The following ARHGAP35 variants were observed in gnomAD, a reference collection of about 807,000 sequenced individuals.
ARHGAP35 encodes Rho GTPase activating protein 35.
ARHGAP35 carries 15 observed loss-of-function variants against 111.1 expected under a neutral mutation model. That is an observed-to-expected ratio of 0.13 (90% CI 0.09 to 0.21). The LOEUF is 0.21. Among genes scored for constraint, ARHGAP35 ranks in the 10% least tolerant of loss-of-function variants. ARHGAP35 has a pLI of 1.00. For missense variants in ARHGAP35, 1,262 were observed against 1,873.0 expected (o/e 0.67, Z 6.02); for synonymous variants, 643 against 710.3 (o/e 0.91, Z 1.51).
chr19:46,963,632 T>C (rs1313004918), intron 3 of ARHGAP35, among the ~76,000 whole-genome samples: 1 of 152,202 alleles, frequency 6.6e-6, no homozygotes, highest in Non-Finnish European at 1.5e-5. Context: ...TCCTAACTTT[T>C]AGCTTATCTT....
At chr19:46,914,413 C>G (rs2056153761) in intron 1 of ARHGAP35, among the ~76,000 whole-genome samples, 1 of 152,094 alleles carries the variant, frequency 6.6e-6, no homozygotes, top group African/African-American at 2.4e-5. Context: ...GAGTTTGAGA[C>G]CAGCCTGGGC....
intron 1 of ARHGAP35, among the ~76,000 whole-genome samples, chr19:46,892,646 C>CTT (rs10711524): frequency 1.5e-5 from 2 of 132,684 alleles, no homozygotes; most frequent in Non-Finnish European, 1.6e-5. Flanking sequence ...TTGTTGGCTG[C>CTT]TTTTTTTTTT....
chr19:46,928,682 A>G (rs994398561), intron 2 of ARHGAP35, among the ~76,000 whole-genome samples: 1 of 152,124 alleles, frequency 6.6e-6, no homozygotes, highest in African/African-American at 2.4e-5. Flanking sequence ...CTGTAATCCC[A>G]GCACTTTGGG....
chr19:46,997,721 A>G (rs2056720139), intron 5 of ARHGAP35: 1 of 152,166 alleles, frequency 6.6e-6, no homozygotes, highest in Non-Finnish European at 1.5e-5. Context: ...CACTCTCACC[A>G]GGGTGCTTGT....
chr19:46,881,056 G>A lies in ARHGAP35; in HGVS notation c.-189+19847G>A, dbSNP rs986290998. Among the ~76,000 whole-genome samples, 7 of 149,182 alleles carry A rather than the reference G, an allele frequency of 4.7e-5. No individual in the cohort carries two copies. In the South Asian group the frequency reaches 6.3e-4, roughly 13 times the overall value. ...GCCTCCTGGGTTCAAGCAATTCTCC[G>A]GCCTCAGCCTCCCGAGTAGCTGGGA... On this transcript the variant is annotated intron_variant, in intron 1 of 6. Transcript: ENST00000672722.
At chr19:46,875,233 T>G (rs1301092496) in intron 1 of ARHGAP35, among the ~76,000 whole-genome samples, 17 of 152,136 alleles carry the variant, frequency 1.1e-4, no homozygotes, top group Admixed American at 1.1e-3. Context: ...TCATTCTTTC[T>G]GTTGTCGGGG....
At chr19:46,933,023 G>A (rs1045222819) in intron 2 of ARHGAP35, among the ~76,000 whole-genome samples, 3 of 151,770 alleles carry the variant, frequency 2.0e-5, no homozygotes, top group African/African-American at 7.3e-5. Context: ...CTATCAGAGT[G>A]CCCCATTATT....
chr19:46,863,581 C>G (rs561044615), intron 1 of ARHGAP35, among the ~76,000 whole-genome samples: 1 of 152,246 alleles, frequency 6.6e-6, no homozygotes, highest in East Asian at 1.9e-4. Context: ...CTTCTCTGAG[C>G]CATTGCATAG....
In ARHGAP35 at chr19:46,989,294, G is replaced by T; in HGVS notation, c.3905-250G>T. On this transcript the variant is annotated intron_variant, in intron 4 of 6. Transcript: ENST00000672722. The surrounding 1 kb of genome is among the most constrained non-coding windows in gnomAD (Gnocchi z 5.3). ...TGGCACCAAAAACCAGCATGTGGGG[G>T]TAGCACCCCTGCCCCGAGAGTGGTA... 2.5e-6 allele frequency: 1 copy of T among 395,038 alleles called. No homozygotes were observed. The highest frequency in any genetic ancestry group is 4.7e-6 in the Non-Finnish European group (1 of 211,088). The allele number at this position is 395,038 out of a possible 1,614,324, so 24.5% of individuals were successfully genotyped here. A position where few individuals can be genotyped will look rare whatever the true frequency, so the allele number is the denominator to read the frequency against.
chr19:46,917,346 G>A (rs1192171718), intron 1 of ARHGAP35, among the ~76,000 whole-genome samples: 1 of 152,194 alleles, frequency 6.6e-6, no homozygotes, highest in Non-Finnish European at 1.5e-5. Context: ...GATCGCTTAC[G>A]CCTGTAATCC....
intron 1 of ARHGAP35, among the ~76,000 whole-genome samples, chr19:46,862,160 C>T (rs2055832361): frequency 6.6e-6 from 1 of 152,112 alleles, no homozygotes; most frequent in Admixed American, 6.5e-5. Context: ...GCTGCGCTCC[C>T]CTCACCTGCT....
At chr19:46,940,605 T>C (rs1034274948) in intron 3 of ARHGAP35, among the ~76,000 whole-genome samples, 3 of 118,950 alleles carry the variant, frequency 2.5e-5, no homozygotes, top group African/African-American at 8.7e-5. Flanking sequence ...TTGTTTTCCC[T>C]TTTTTTTTTT....
Position 46,989,663 on chromosome 19 carries a change from G to T in ARHGAP35, c.4024G>T (p.Val1342Leu). 6.2e-6 allele frequency: 10 copies of T among 1,613,932 alleles called. No individual in the cohort carries two copies. The highest frequency in any genetic ancestry group is 8.5e-6 in the Non-Finnish European group (10 of 1,179,846). Residue 1342 changes from valine to leucine, a missense_variant, in exon 5 of 7, where the codon GTG becomes TTG. Physicochemically the swap from Val to Leu is conservative, Grantham distance 32. Around this residue, in one of 8 missense-constraint regions of ARHGAP35, gnomAD observed 50 missense variants for 60.5 expected, o/e 0.83. Transcript: ENST00000672722. This position sits in a 1 kb window ranked among gnomAD's most constrained non-coding sequence, Gnocchi z 5.3. ...CCCGTATAACATGCAGATCGACTTG[G>T]TGGAAGCACACAGTGAGTACCGGCA... ...LVPYNMQIDL[V>L]EAHKINDREQ...
chr19:46,898,204 T>C (rs1055629130), intron 1 of ARHGAP35, among the ~76,000 whole-genome samples: 28 of 148,870 alleles, frequency 1.9e-4, no homozygotes, highest in African/African-American at 7.0e-4. Context: ...ATCGCGCCAC[T>C]GCACTCCAGC....
intron 2 of ARHGAP35, among the ~76,000 whole-genome samples, chr19:46,929,299 T>G (rs2056257440): frequency 6.6e-6 from 1 of 152,204 alleles, no homozygotes; most frequent in African/African-American, 2.4e-5. Flanking sequence ...AAGGTCCTTT[T>G]GGAACTCTTT....
intron 3 of ARHGAP35, among the ~76,000 whole-genome samples, chr19:46,967,764 G>A (rs10412760): frequency 0.02 from 3,031 of 152,240 alleles, 107 homozygotes; most frequent in African/African-American, 0.068. Context: ...TTAAAACTAC[G>A]CACAGTTCCT....
intron 3 of ARHGAP35, among the ~76,000 whole-genome samples, chr19:46,973,084 C>T (rs1287245790): frequency 2.0e-5 from 3 of 152,202 alleles, no homozygotes; most frequent in Non-Finnish European, 4.4e-5. Flanking sequence ...TGAGACAGGT[C>T]GGCTGCAGTG....
intron 1 of ARHGAP35, among the ~76,000 whole-genome samples, chr19:46,894,570 C>T (rs969654759): frequency 6.6e-6 from 1 of 151,408 alleles, no homozygotes; most frequent in Non-Finnish European, 1.5e-5. Context: ...CTCAGCCTCT[C>T]GAGTAGCTGG....
chr19:46,959,679 C>T (rs373230922), intron 3 of ARHGAP35, among the ~76,000 whole-genome samples: 8 of 148,670 alleles, frequency 5.4e-5, no homozygotes, highest in East Asian at 4.0e-4. Context: ...GGATTACAGG[C>T]GTGAGCCACT....
Sources: allele counts gnomAD v4.1 joint callset (sites outside exome capture counted in the v4.1 genomes callset), GRCh38; gene constraint gnomAD v4.1.1; regional missense constraint gnomAD v4.1.1; non-coding constraint Gnocchi (gnomAD v3.1); transcripts MANE v1.5; gene names NCBI Gene and HGNC (gene_info 2026-07-23, HGNC 2026-07-21).